The following SLC6A2 variants were observed in gnomAD, a reference collection of about 807,000 sequenced individuals.
SLC6A2 encodes the protein sodium-dependent noradrenaline transporter.
A neutral mutation model predicts 71.7 loss-of-function variants in SLC6A2; 26 were observed. The ratio of observed to expected loss-of-function variants is 0.36; its 90% CI spans 0.27 to 0.50. SLC6A2 has a LOEUF of 0.50. SLC6A2 is among the 20% of genes least tolerant of loss of function. SLC6A2 has a pLI of 0.96. For synonymous variants in SLC6A2, 363 were observed against 337.9 expected (o/e 1.07, Z -0.82); for missense variants, 581 against 803.9 (o/e 0.72, Z 3.35).
In SLC6A2 at chr16:55,703,880, GGTTTT is replaced by G. The variant is rs1394001897; in HGVS notation, c.*1537_*1541del. The G allele has an allele frequency of 4.5e-6, 4 of 892,516 alleles. No individual in the cohort carries two copies. In the East Asian group the frequency reaches 3.6e-4, roughly 80 times the overall value. The allele number at this position is 892,516 out of a possible 1,614,324, so 55.3% of individuals were successfully genotyped here. On this transcript the variant is annotated 3_prime_UTR_variant, in exon 15 of 15. Coordinates refer to ENST00000568943, the MANE Select transcript of SLC6A2 (RefSeq NM_001172501.3). ...GGGGACCAGGGTGGGGCAGGGAGAT[GGTTTT>G]GTCTCCCAGGGTCCTGAGGTTTCCT...
intron 5 of SLC6A2, among the ~76,000 whole-genome samples, chr16:55,686,648 T>C (rs1314584129): frequency 6.6e-6 from 1 of 152,148 alleles, no homozygotes; most frequent in African/African-American, 2.4e-5. Context: ...GAGTTCTTGG[T>C]CATGCCATTG....
At chr16:55,660,566 C>T (rs1403403937) in intron 2 of SLC6A2, among the ~76,000 whole-genome samples, 1 of 152,162 alleles carries the variant, frequency 6.6e-6, no homozygotes, top group African/African-American at 2.4e-5. Flanking sequence ...AGTGAGTGGT[C>T]AGGAAGGTGG....
chr16:55,674,813 C>A (rs773850393), intron 4 of SLC6A2, among the ~76,000 whole-genome samples: 4 of 152,152 alleles, frequency 2.6e-5, no homozygotes, highest in Middle Eastern at 3.2e-3. Flanking sequence ...CAATGAACAT[C>A]CACGCGCAGG....
At chr16:55,665,839 T>A (rs1246443763) in intron 2 of SLC6A2, among the ~76,000 whole-genome samples, 3 of 152,208 alleles carry the variant, frequency 2.0e-5, no homozygotes, top group African/African-American at 7.2e-5. Context: ...AGTTTCTCTC[T>A]AACAGTGGGA....
At chr16:55,691,233 GAGAGAGAGA>G (rs1567451209) in intron 5 of SLC6A2, among the ~76,000 whole-genome samples, 101 of 3,568 alleles carry the variant, frequency 0.028, 3 homozygotes, top group African/African-American at 0.036. Flanking sequence ...GAGAGGGGGA[GAGAGAGAGA>G]GAGAGAGAGA....
At chr16:55,692,921 A>G (rs1965681803) in intron 6 of SLC6A2, among the ~76,000 whole-genome samples, 1 of 152,368 alleles carries the variant, frequency 6.6e-6, no homozygotes, top group Non-Finnish European at 1.5e-5. Context: ...AGCATAAGAC[A>G]TGAATCAGCC....
At chr16:55,677,976 A>G (rs1318689064) in intron 4 of SLC6A2, among the ~76,000 whole-genome samples, 1 of 152,118 alleles carries the variant, frequency 6.6e-6, no homozygotes, top group Non-Finnish European at 1.5e-5. Context: ...GGCTTATTTT[A>G]GGAGCCTTCT....
At position 55,705,281 on chromosome 16, in the gene SLC6A2, C is replaced by T; in HGVS notation, c.*2935C>T. The T allele has an allele frequency of 6.5e-7, 1 of 1,531,742 alleles. No homozygotes were observed. The highest frequency in any genetic ancestry group is 8.7e-7 in the Non-Finnish European group (1 of 1,143,386). 94.9% of individuals were successfully genotyped at this position (1,531,742 alleles called of 1,614,324 possible). A position where few individuals can be genotyped will look rare whatever the true frequency, so the allele number is the denominator to read the frequency against. On this transcript the variant is annotated 3_prime_UTR_variant, in exon 15 of 15. Transcript: ENST00000568943. ...GCCAGATATCCTGCTGAACAGAAAT[C>T]CCTGAAGCTGCCTTAATTCTCAAAA...
intron 6 of SLC6A2, 120 bp downstream of exon 6, chr16:55,692,172 G>A: frequency 8.3e-7 from 1 of 1,200,586 alleles, no homozygotes; most frequent in Admixed American, 1.7e-5. Context: ...CCTTGGACAG[G>A]ATCCTTCCCT....
chr16:55,671,574 C>T (rs1413811680), intron 3 of SLC6A2: 1 of 485,524 alleles, frequency 2.1e-6, no homozygotes, highest in Non-Finnish European at 3.6e-6. Context: ...CCATCGCTCG[C>T]ATGACCGCCT....
At chr16:55,694,395 G>A (rs891747592) in intron 7 of SLC6A2, among the ~76,000 whole-genome samples, 9 of 152,186 alleles carry the variant, frequency 5.9e-5, no homozygotes, top group Non-Finnish European at 1.0e-4. Context: ...GGAGAACTGT[G>A]AAGATTTCAG....
chr16:55,702,583 T>C lies in SLC6A2; in HGVS notation c.*237T>C, dbSNP rs1010624569. On this transcript the variant is annotated 3_prime_UTR_variant, in exon 15 of 15. Transcript: ENST00000568943. The stretch of plus-strand genomic sequence containing the variant: ...GGAGCAAACAGGAAAATGACTTCTG[T>C]TCTGTCCCCGCTGTTTTGGGGGAAG... 1.6e-5 allele frequency: 23 copies of C among 1,430,178 alleles called. No homozygotes were observed. The East Asian group carries it at 2.1e-4, about 13-fold the overall frequency. 88.6% of individuals were successfully genotyped at this position (1,430,178 alleles called of 1,614,324 possible).
intron 2 of SLC6A2, among the ~76,000 whole-genome samples, chr16:55,661,518 TG>T (rs1964609584): frequency 1.3e-5 from 2 of 152,288 alleles, no homozygotes; most frequent in South Asian, 4.2e-4. Context: ...ATTAGTATTT[TG>T]TTATTGTTCA....
chr16:55,703,116 T>G lies in SLC6A2; in HGVS notation c.*770T>G. Reference sequence around the variant, plus strand: ...TAGGAGGTACCTGCATCAGACAAGCTGGTGGAGGCCACGTGGCAAGCCACA... The same window carrying G: ...TAGGAGGTACCTGCATCAGACAAGCGGGTGGAGGCCACGTGGCAAGCCACA... On this transcript the variant is annotated 3_prime_UTR_variant, in exon 15 of 15. Transcript: ENST00000568943. 1.0e-6 allele frequency: 1 copy of G among 985,630 alleles called. No homozygotes were observed. The highest frequency in any genetic ancestry group is 5.2e-4 in the Middle Eastern group (1 of 1,914). 61.1% of individuals were successfully genotyped at this position (985,630 alleles called of 1,614,324 possible).
In SLC6A2 at chr16:55,692,072, C is replaced by A. The variant is rs553922648; in HGVS notation, c.918+20C>A. ...GCCACGGTCAGTGCTCAGTGACCAC[C>A]AAGCCTTGGGCCAGGCTTGTGGGAG... On this transcript the variant is annotated intron_variant, in intron 6 of 14. Transcript: ENST00000568943. 1 of 1,613,784 alleles carries A rather than the reference C, an allele frequency of 6.2e-7. No homozygotes were observed. Among genetic ancestry groups the A allele is most frequent in the Non-Finnish European group, 8.5e-7 (1 of 1,179,696 alleles).
At chr16:55,685,596 A>C (rs1051760998) in intron 5 of SLC6A2, among the ~76,000 whole-genome samples, 7 of 152,194 alleles carry the variant, frequency 4.6e-5, no homozygotes, top group African/African-American at 1.7e-4. Flanking sequence ...CTCACGACAA[A>C]GTCTAGAGAT....
intron 2 of SLC6A2, among the ~76,000 whole-genome samples, chr16:55,660,920 C>A (rs569359172): frequency 2.0e-5 from 3 of 152,336 alleles, no homozygotes; most frequent in Non-Finnish European, 4.4e-5. Flanking sequence ...AGGCCCCTGG[C>A]TAATGTTTTC....
intron 4 of SLC6A2, among the ~76,000 whole-genome samples, chr16:55,676,505 TGA>T (rs1380050879): frequency 6.6e-6 from 1 of 152,212 alleles, no homozygotes; most frequent in Non-Finnish European, 1.5e-5. Context: ...TGCAAAACCC[TGA>T]GAGTGCGCAT....
At chr16:55,677,242 T>C (rs1965118001) in intron 4 of SLC6A2, among the ~76,000 whole-genome samples, 1 of 152,034 alleles carries the variant, frequency 6.6e-6, no homozygotes, top group African/African-American at 2.4e-5. Flanking sequence ...GGCCTTTCTG[T>C]CTTATGAACA....
Sources: allele counts gnomAD v4.1 joint callset (sites outside exome capture counted in the v4.1 genomes callset), GRCh38; gene constraint gnomAD v4.1.1; transcripts MANE v1.5; gene names NCBI Gene and HGNC (gene_info 2026-07-23, HGNC 2026-07-21).